The following NEGR1 variants were observed in gnomAD, a reference collection of about 807,000 sequenced individuals.
The protein encoded by NEGR1 is IgLON family member 4.
NEGR1 carries 10 observed loss-of-function variants against 40.9 expected under a neutral mutation model. The ratio of observed to expected loss-of-function variants is 0.24; its 90% CI spans 0.15 to 0.42. The LOEUF (loss-of-function observed/expected upper bound fraction) is 0.42. Among genes scored for constraint, NEGR1 ranks in the 10% least tolerant of loss-of-function variants. The probability of loss-of-function intolerance (pLI) is 1.00; values close to 1 mark genes in which losing one functional copy is unlikely to be tolerated. For synonymous variants in NEGR1, 185 were observed against 166.8 expected, an observed-to-expected ratio of 1.11 and a Z score of -0.84; for missense variants, 352 against 438.9, an observed-to-expected ratio of 0.80 and a Z score of 1.77.
Position 71,636,547 on chromosome 1 carries a change from C to T in NEGR1, c.668-25401G>A, listed in dbSNP as rs141677113. Among the ~76,000 whole-genome samples, 351 of 152,122 alleles carry T rather than the reference C, an allele frequency of 2.3e-3. 2 individuals are homozygous for T. The highest frequency in any genetic ancestry group is 8.2e-3 in the African/African-American group (342 of 41,560). On this transcript the variant is annotated intron_variant, in intron 4 of 6. Transcript: ENST00000357731. ...GACAGGAAATAGCACCGAATCATTGCCATCAAAAGCAAGCTTCTCCAATGG... is the reference window on the plus strand; with the variant it reads ...GACAGGAAATAGCACCGAATCATTGTCATCAAAAGCAAGCTTCTCCAATGG...
chr1:71,706,015 T>G (rs1438986459), intron 3 of NEGR1, among the ~76,000 whole-genome samples: 1 of 152,150 alleles, frequency 6.6e-6, no homozygotes, highest in African/African-American at 2.4e-5. Flanking sequence ...GAACCAAAAT[T>G]CAGGTGAGTA....
intron 1 of NEGR1, among the ~76,000 whole-genome samples, chr1:71,984,861 TAATAAG>T (rs1470651301): frequency 6.6e-6 from 1 of 152,166 alleles, no homozygotes; most frequent in Non-Finnish European, 1.5e-5. Context: ...ATGATTTTAC[TAATAAG>T]AATAATGATA....
intron 2 of NEGR1, among the ~76,000 whole-genome samples, chr1:71,830,478 C>T (rs923187948): frequency 2.6e-5 from 4 of 151,798 alleles, no homozygotes; most frequent in African/African-American, 7.2e-5. Flanking sequence ...ATAGGCCGTG[C>T]GTCAGACTTG....
chr1:71,405,950 T>TA lies in NEGR1; in HGVS notation c.*1495dup, dbSNP rs959413796. 7.9e-5 allele frequency: 12 copies of TA among 152,382 alleles called. No individual in the cohort carries two copies. Among genetic ancestry groups the TA allele is most frequent in the African/African-American group, 2.6e-4 (11 of 41,538 alleles). The allele number at this position is 152,382 out of a possible 1,614,324, so 9.4% of individuals were successfully genotyped here. A position where few individuals can be genotyped will look rare whatever the true frequency, so the allele number is the denominator to read the frequency against. On this transcript the variant is annotated 3_prime_UTR_variant, in exon 7 of 7. Coordinates refer to ENST00000357731, the MANE Select transcript of NEGR1 (RefSeq NM_173808.3). ...TCAAACTATTCCTGTAAATTAATGT[T>TA]AGAGTAACAGCATTTTCCTTCAAAA...
chr1:72,107,298 C>T (rs1649174149), intron 1 of NEGR1, among the ~76,000 whole-genome samples: 2 of 151,138 alleles, frequency 1.3e-5, no homozygotes, highest in South Asian at 2.1e-4. Context: ...CTATTTATAC[C>T]GTGGAGTCTA....
chr1:72,209,291 A>T (rs1653514533), intron 1 of NEGR1, among the ~76,000 whole-genome samples: 1 of 151,396 alleles, frequency 6.6e-6, no homozygotes. Context: ...AATATATTTG[A>T]CTCTTTATCT....
intron 2 of NEGR1, among the ~76,000 whole-genome samples, chr1:71,909,679 A>G (rs1661370976): frequency 6.6e-6 from 1 of 152,136 alleles, no homozygotes; most frequent in Admixed American, 6.5e-5. Flanking sequence ...TTGAATATTT[A>G]TTTTGTTCCA....
chr1:71,419,807 G>A (rs532369303), intron 6 of NEGR1, among the ~76,000 whole-genome samples: 89 of 151,870 alleles, frequency 5.9e-4, no homozygotes, highest in Middle Eastern at 3.4e-3. Context: ...CTTGTAAAAC[G>A]GGAAAATGAG....
At chr1:72,269,005 CAA>C (rs1051600227) in intron 1 of NEGR1, among the ~76,000 whole-genome samples, 3 of 151,476 alleles carry the variant, frequency 2.0e-5, no homozygotes, top group Non-Finnish European at 4.4e-5. Context: ...GGTACACATG[CAA>C]AGTCTCTAGA....
Position 71,587,645 on chromosome 1 carries a change from T to TAC in NEGR1, c.940+5170_940+5171dup, listed in dbSNP as rs1016907129. The stretch of plus-strand genomic sequence containing the variant: ...TACTTTGAATAAATGCATACACGAG[T>TAC]ACACACACACACACACATGCACACA... On this transcript the variant is annotated intron_variant, in intron 6 of 6. Transcript: ENST00000357731. 5.4e-3 allele frequency among the ~76,000 whole-genome samples: 465 copies of TAC among 86,420 alleles called. 1 individual carries two copies. The highest frequency in any genetic ancestry group is 0.019 in the East Asian group (57 of 3,078). The allele number at this position is 86,420 out of a possible 152,430, so 56.7% of individuals were successfully genotyped here.
chr1:71,692,192 T>C (rs572583615), intron 4 of NEGR1, among the ~76,000 whole-genome samples: 1 of 151,900 alleles, frequency 6.6e-6, no homozygotes, highest in Non-Finnish European at 1.5e-5. Context: ...TACCAAAGTG[T>C]ATCATCATTG....
intron 6 of NEGR1, among the ~76,000 whole-genome samples, chr1:71,493,457 A>G (rs1381906613): frequency 1.3e-5 from 2 of 152,020 alleles, no homozygotes; most frequent in Admixed American, 1.3e-4. Context: ...TTCTTGCTCT[A>G]TTTTTCCCCC....
chr1:71,422,246 A>G (rs1164332315), intron 6 of NEGR1, among the ~76,000 whole-genome samples: 1 of 152,180 alleles, frequency 6.6e-6, no homozygotes, highest in East Asian at 1.9e-4. Context: ...ATTTAACGTT[A>G]AAAACAAATC....
intron 1 of NEGR1, among the ~76,000 whole-genome samples, chr1:72,096,443 G>A (rs1262480635): frequency 6.6e-6 from 1 of 151,586 alleles, no homozygotes; most frequent in African/African-American, 2.4e-5. Context: ...ATCTTTGTTT[G>A]GTTTTTACAC....
chr1:71,928,019 TAAATAA>T (rs1476560003), intron 2 of NEGR1, among the ~76,000 whole-genome samples: 1 of 99,820 alleles, frequency 1.0e-5, no homozygotes, highest in African/African-American at 3.9e-5. Context: ...AATAAATAAA[TAAATAA>T]ATACACACAC....
chr1:71,993,870 C>A (rs1646477501), intron 1 of NEGR1, among the ~76,000 whole-genome samples: 1 of 152,096 alleles, frequency 6.6e-6, no homozygotes, highest in African/African-American at 2.4e-5. Context: ...GAGAGAGTAA[C>A]CCTGGAGATA....
At chr1:71,815,968 C>T (rs1365689009) in intron 2 of NEGR1, among the ~76,000 whole-genome samples, 1 of 152,036 alleles carries the variant, frequency 6.6e-6, no homozygotes, top group South Asian at 2.1e-4. Context: ...AATAACCACC[C>T]CTTATGTCCT....
intron 1 of NEGR1, among the ~76,000 whole-genome samples, chr1:72,197,668 C>A (rs1307720904): frequency 1.3e-5 from 2 of 151,930 alleles, no homozygotes; most frequent in Admixed American, 6.6e-5. Flanking sequence ...TCTCCATTTT[C>A]ATCTGCAAAA....
chr1:71,648,759 G>C (rs1379602710), intron 4 of NEGR1, among the ~76,000 whole-genome samples: 2 of 152,136 alleles, frequency 1.3e-5, no homozygotes, highest in Non-Finnish European at 2.9e-5. Context: ...GCCTTTAAAT[G>C]ATGCCCTGAT....
Sources: gnomAD v4.1 joint callset for allele counts (sites outside exome capture counted in the v4.1 genomes callset) on GRCh38, gnomAD v4.1.1 for gene constraint, MANE v1.5 for transcripts, NCBI Gene and HGNC (gene_info 2026-07-23, HGNC 2026-07-21) for gene names.